The following ZNF536 variants were observed in gnomAD, a reference collection of about 807,000 sequenced individuals.
ZNF536 encodes zinc finger protein 536.
A neutral mutation model predicts 84.5 loss-of-function variants in ZNF536; 13 were observed. The ratio of observed to expected loss-of-function variants is 0.15; its 90% CI spans 0.10 to 0.24. The LOEUF (loss-of-function observed/expected upper bound fraction) is 0.24, where lower values mean the gene tolerates loss of function less well. Ranked by LOEUF, ZNF536 falls within the 10% of genes least tolerant of loss-of-function variation. The pLI, the probability that ZNF536 is intolerant of heterozygous loss-of-function variation, is 1.00. For synonymous variants in ZNF536, 811 were observed against 742.5 expected (o/e 1.09, Z -1.50); for missense variants, 1,536 against 1,747.5 (o/e 0.88, Z 2.16).
At chr19:30,657,745 A>C (rs1334976501) in intron 1 of ZNF536, among the ~76,000 whole-genome samples, 1 of 152,080 alleles carries the variant, frequency 6.6e-6, no homozygotes, top group Admixed American at 6.5e-5. Flanking sequence ...AACAACCTCA[A>C]ACCTCAAAAC....
At chr19:30,324,228 C>T (rs1283538835) in intron 2 of ZNF536, among the ~76,000 whole-genome samples, 1 of 152,022 alleles carries the variant, frequency 6.6e-6, no homozygotes, top group African/African-American at 2.4e-5. Context: ...ATCTGTCTAG[C>T]CATCCATCCA....
Position 30,582,099 on chromosome 19 carries a change from C to A in ZNF536, c.169+32585C>A, listed in dbSNP as rs1456291221. Reference sequence around the variant, plus strand: ...TCCCCAGAGGTGAGGCAGCTTTTGGCCATGTTGTTGGTAGCAAAGACTCAC... The same window carrying A: ...TCCCCAGAGGTGAGGCAGCTTTTGGACATGTTGTTGGTAGCAAAGACTCAC... On this transcript the variant is annotated intron_variant, in intron 1 of 1. Transcript: ENST00000592773. Among the ~76,000 whole-genome samples, 6 of 152,178 alleles carry A rather than the reference C, an allele frequency of 3.9e-5. 1 individual carries two copies. The highest frequency in any genetic ancestry group is 3.3e-4 in the Admixed American group (5 of 15,276).
intron 1 of ZNF536, among the ~76,000 whole-genome samples, chr19:30,589,637 AAAAGAAGG>A (rs2047210525): frequency 6.6e-6 from 1 of 152,158 alleles, no homozygotes; most frequent in Admixed American, 6.5e-5. Context: ...AAGCAAAGCA[AAAAGAAGG>A]GTGTGTTACC....
chr19:30,472,213 C>G (rs2053666187), intron 2 of ZNF536, among the ~76,000 whole-genome samples: 1 of 152,168 alleles, frequency 6.6e-6, no homozygotes. Flanking sequence ...TTCTAATCAG[C>G]CATATGGCAT....
At chr19:30,325,269 G>A (rs1446832352) in intron 2 of ZNF536, among the ~76,000 whole-genome samples, 2 of 152,218 alleles carry the variant, frequency 1.3e-5, no homozygotes, top group South Asian at 2.1e-4. Context: ...CGATTTGCCT[G>A]TGACTCTCAC....
At chr19:30,517,601 C>A (rs2044135137) in intron 2 of ZNF536, among the ~76,000 whole-genome samples, 1 of 152,116 alleles carries the variant, frequency 6.6e-6, no homozygotes, top group Non-Finnish European at 1.5e-5. Flanking sequence ...GCCTGCGTGA[C>A]ATAGTGAAAT....
chr19:30,667,809 A>G (rs1303253934), intron 1 of ZNF536, among the ~76,000 whole-genome samples: 1 of 152,038 alleles, frequency 6.6e-6, no homozygotes, highest in East Asian at 1.9e-4. Context: ...CAGTAGTGTT[A>G]GTATACACTC....
chr19:30,683,320 G>A (rs1027337710), intron 1 of ZNF536, among the ~76,000 whole-genome samples: 7 of 152,232 alleles, frequency 4.6e-5, no homozygotes, highest in African/African-American at 1.7e-4. Context: ...CAAATTGTAT[G>A]TGATTTGACC....
chr19:30,530,584 T>A (rs2044764730), intron 2 of ZNF536, among the ~76,000 whole-genome samples: 1 of 152,310 alleles, frequency 6.6e-6, no homozygotes, highest in South Asian at 2.1e-4. Flanking sequence ...TGACCTCAGA[T>A]GATCTGCTGG....
At position 30,547,939 on chromosome 19, in the gene ZNF536, G is replaced by A. The variant is rs2146172729; in HGVS notation, c.2324-4G>A. 6.6e-7 allele frequency: 1 copy of A among 1,518,248 alleles called. No homozygotes were observed. The highest frequency in any genetic ancestry group is 8.8e-7 in the Non-Finnish European group (1 of 1,134,722). 94.0% of individuals were successfully genotyped at this position (1,518,248 alleles called of 1,614,324 possible). On this transcript the variant is annotated splice_polypyrimidine_tract_variant and splice_region_variant and intron_variant, in intron 3 of 4. Transcript: ENST00000355537. ...CTTTTTTTTCTTATATCAAAATCTT[G>A]CAGGTGAGAAACCCTACAAGTGTCC... is the stretch of plus-strand genomic sequence containing the variant.
intron 2 of ZNF536, among the ~76,000 whole-genome samples, chr19:30,451,463 C>G (rs886598216): frequency 6.6e-6 from 1 of 152,210 alleles, no homozygotes; most frequent in African/African-American, 2.4e-5. Context: ...CTTTCTGACC[C>G]CTTTACATGG....
At chr19:30,239,264 G>A (rs2144819994) in intron 1 of ZNF536, among the ~76,000 whole-genome samples, 2 of 152,306 alleles carry the variant, frequency 1.3e-5, no homozygotes, top group Middle Eastern at 6.8e-3. Flanking sequence ...GTGGCCTTGG[G>A]CTTTGAAATG....
At chr19:30,228,466 G>A (rs2022749141), upstream of ZNF536, 1 of 152,142 alleles carries the variant, frequency 6.6e-6, no homozygotes, top group Non-Finnish European at 1.5e-5. The surrounding 1 kb of genome is among the most constrained non-coding windows in gnomAD (Gnocchi z 4.5). Context: ...ACCTGGCGTA[G>A]CCGTGACGCG....
upstream of ZNF536, among the ~76,000 whole-genome samples, chr19:30,370,599 T>C (rs2048579874): frequency 6.6e-6 from 1 of 152,236 alleles, no homozygotes; most frequent in South Asian, 2.1e-4. Flanking sequence ...GACAGTGTTC[T>C]CTTGAATGAA....
chr19:30,662,903 TAAAG>T (rs556373080), intron 1 of ZNF536, among the ~76,000 whole-genome samples: 113 of 151,362 alleles, frequency 7.5e-4, no homozygotes, highest in African/African-American at 2.6e-3. Context: ...AAGTCCTCCT[TAAAG>T]AAAAAAGGGA....
chr19:30,302,812 A>C (rs929858189), intron 2 of ZNF536, among the ~76,000 whole-genome samples: 8 of 151,954 alleles, frequency 5.3e-5, no homozygotes, highest in African/African-American at 1.9e-4. Flanking sequence ...AGCAGAGAGC[A>C]ATCAGTATGT....
In ZNF536 at chr19:30,646,545, G is replaced by A. The variant is rs535878931; in HGVS notation, c.170-64212G>A. On this transcript the variant is annotated intron_variant, in intron 1 of 1. Transcript: ENST00000592773. Reference sequence around the variant, plus strand: ...AAGCCATCGGTGTGTACGTGTGGATGTGTGACTTTGCCGGTCAGTGGGCAC... The same window carrying A: ...AAGCCATCGGTGTGTACGTGTGGATATGTGACTTTGCCGGTCAGTGGGCAC... Among the ~76,000 whole-genome samples, 49 of 152,352 alleles carry A rather than the reference G, an allele frequency of 3.2e-4. No individual in the cohort carries two copies. The South Asian group carries it at 6.8e-3, about 21-fold the overall frequency.
intron 2 of ZNF536, among the ~76,000 whole-genome samples, chr19:30,458,757 C>T (rs748491147): frequency 7.2e-5 from 11 of 152,064 alleles, no homozygotes; most frequent in Non-Finnish European, 1.2e-4. Flanking sequence ...TGGCTGATTT[C>T]CTGCTGATTT....
chr19:30,374,720 C>T (rs1189274917), intron 1 of ZNF536, among the ~76,000 whole-genome samples: 1 of 151,598 alleles, frequency 6.6e-6, no homozygotes, highest in Non-Finnish European at 1.5e-5. Context: ...TGCAACTTCT[C>T]GGACCGTCTC....
Sources: gnomAD v4.1 joint callset for allele counts (sites outside exome capture counted in the v4.1 genomes callset) on GRCh38, gnomAD v4.1.1 for gene constraint, Gnocchi (gnomAD v3.1) non-coding constraint, MANE v1.5 for transcripts, NCBI Gene and HGNC (gene_info 2026-07-23, HGNC 2026-07-21) for gene names.